MAGI3: variants seen among roughly 807,000 people sequenced by gnomAD.
MAGI3 encodes membrane-associated guanylate kinase, WW and PDZ domain-containing protein 3.
A neutral mutation model predicts 121.8 loss-of-function variants in MAGI3; 43 were observed. The ratio of observed to expected loss-of-function variants is 0.35; its 90% confidence interval spans 0.28 to 0.46. The LOEUF is 0.46. Ranked by LOEUF, MAGI3 falls within the 20% of genes least tolerant of loss-of-function variation. The pLI is 1.00. For synonymous variants in MAGI3, 553 were observed against 639.3 expected, an observed-to-expected ratio of 0.86 and a Z score of 2.04; for missense variants, 1,547 against 1,797.3, an observed-to-expected ratio of 0.86 and a Z score of 2.52.
intron 9 of MAGI3, among the ~76,000 whole-genome samples, chr1:113,629,810 C>T (rs1231762282): frequency 7.4e-6 from 1 of 135,866 alleles, no homozygotes; most frequent in Non-Finnish European, 1.6e-5. Context: ...CTCTTTCTCT[C>T]TCTCTGTGCT....
At chr1:113,477,740 G>A (rs1049263549) in intron 1 of MAGI3, among the ~76,000 whole-genome samples, 19 of 152,042 alleles carry the variant, frequency 1.2e-4, no homozygotes, top group Non-Finnish European at 2.6e-4. Context: ...TCTTTGTGGC[G>A]TTCTCTGTAT....
intron 7 of MAGI3, among the ~76,000 whole-genome samples, chr1:113,617,431 G>C (rs142375013): frequency 2.9e-3 from 436 of 152,226 alleles, no homozygotes; most frequent in Admixed American, 5.5e-3. Context: ...TAAATGAAAA[G>C]GACAGTATTT....
intron 1 of MAGI3, among the ~76,000 whole-genome samples, chr1:113,402,091 C>T (rs1651439917): frequency 2.6e-5 from 4 of 152,168 alleles, no homozygotes; most frequent in Non-Finnish European, 5.9e-5. Flanking sequence ...GAGACTAGAA[C>T]TCAGATTGTT....
chr1:113,411,650 GCTT>G (rs1332713062), intron 1 of MAGI3, among the ~76,000 whole-genome samples: 4 of 151,106 alleles, frequency 2.6e-5, no homozygotes, highest in African/African-American at 7.3e-5. Context: ...AAACTTACTC[GCTT>G]CTTTGAAGGA....
At chr1:113,503,309 G>GA (rs59331456) in intron 1 of MAGI3, among the ~76,000 whole-genome samples, 18,478 of 36,344 alleles carry the variant, frequency 0.51, 5,461 homozygotes, top group African/African-American at 0.67. Flanking sequence ...CCTGTCTCAG[G>GA]AAAAAAAAAA....
chr1:113,521,413 G>GTTTT (rs1491452810), intron 1 of MAGI3, among the ~76,000 whole-genome samples: 4 of 77,158 alleles, frequency 5.2e-5, no homozygotes, highest in African/African-American at 1.7e-4. Flanking sequence ...TTTGTTTTTT[G>GTTTT]TTTTTTGTTT....
chr1:113,563,856 C>T (rs1660334482), intron 2 of MAGI3, among the ~76,000 whole-genome samples: 1 of 152,206 alleles, frequency 6.6e-6, no homozygotes, highest in Admixed American at 6.5e-5. Flanking sequence ...TGTGAACTAG[C>T]TCTGTCCTCA....
Position 113,590,629 on chromosome 1 carries a change from C to T in MAGI3, c.909C>T (p.Tyr303=), listed in dbSNP as rs1470871220. Residue 303 remains tyrosine (Y), a synonymous_variant, in exon 5 of 21, where the codon TAC becomes TAT. Transcript: ENST00000307546. ...TGCCCAAAAACTGGGAAATGGCCTA[C>T]ACTGACACAGGGATGATCTACTTCA... ...EPLPKNWEMA[Y]TDTGMIYFID... The T allele has an allele frequency of 1.9e-6, 3 of 1,613,698 alleles. No individual in the cohort carries two copies. The highest frequency in any genetic ancestry group is 2.5e-6 in the Non-Finnish European group (3 of 1,179,678).
At chr1:113,606,918 A>G (rs1404254784) in intron 6 of MAGI3, among the ~76,000 whole-genome samples, 1 of 152,220 alleles carries the variant, frequency 6.6e-6, no homozygotes, top group Non-Finnish European at 1.5e-5. Context: ...GTGAACATAC[A>G]TATGCCCACC....
At chr1:113,584,980 T>TTTC in intron 3 of MAGI3, among the ~76,000 whole-genome samples, 1 of 145,290 alleles carries the variant, frequency 6.9e-6, no homozygotes, top group Non-Finnish European at 1.5e-5. Flanking sequence ...TTTTTTTTTT[T>TTTC]TTTTTTTTTG....
intron 1 of MAGI3, among the ~76,000 whole-genome samples, chr1:113,503,792 A>G (rs959841657): frequency 1.3e-5 from 2 of 152,042 alleles, no homozygotes; most frequent in Non-Finnish European, 2.9e-5. Flanking sequence ...ATATAAAAAT[A>G]TATGTGACTG....
rs755425306 is a variant in MAGI3 at position 113,673,407 on chromosome 1, G to C, written c.3131G>C (p.Gly1044Ala). The change falls in exon 19 of 21, where the codon GGG becomes GCG. Residue 1044 changes from glycine (G) to alanine (A), a missense_variant. Transcript: ENST00000307546. ...CGAGGGGGGAAGGAGTACAACATGGGGCTGTTCATCCTTCGTCTTGCTGAA... is the reference window on the plus strand; with the variant it reads ...CGAGGGGGGAAGGAGTACAACATGGCGCTGTTCATCCTTCGTCTTGCTGAA... Reference protein sequence around the residue: ...SLRGGKEYNMGLFILRLAEDG... With the variant: ...SLRGGKEYNMALFILRLAEDG... 1 of 1,613,032 alleles carries C rather than the reference G, an allele frequency of 6.2e-7. No homozygotes were observed. The highest frequency in any genetic ancestry group is 1.1e-5 in the South Asian group (1 of 90,946).
intron 1 of MAGI3, among the ~76,000 whole-genome samples, chr1:113,490,801 A>G (rs1380904981): frequency 6.6e-6 from 1 of 152,212 alleles, no homozygotes; most frequent in Non-Finnish European, 1.5e-5. Flanking sequence ...GCATTACATA[A>G]TGATAAAGGG....
chr1:113,395,790 A>G (rs2101272735), intron 1 of MAGI3, among the ~76,000 whole-genome samples: 1 of 151,892 alleles, frequency 6.6e-6, no homozygotes, highest in South Asian at 2.1e-4. Flanking sequence ...AGTTTGTAAA[A>G]CTTTATTTTC....
At chr1:113,407,472 T>C (rs1651746935) in intron 1 of MAGI3, among the ~76,000 whole-genome samples, 1 of 152,126 alleles carries the variant, frequency 6.6e-6, no homozygotes, top group Admixed American at 6.6e-5. Flanking sequence ...ATCAGATTTT[T>C]TGTGTGAAGG....
intron 20 of MAGI3, chr1:113,682,181 T>A: frequency 1.3e-6 from 2 of 1,487,790 alleles, no homozygotes; most frequent in Non-Finnish European, 1.8e-6. Flanking sequence ...TTTTTTCACA[T>A]AGTCCTAGGC....
chr1:113,677,935 AAG>A (rs1356340293), intron 19 of MAGI3, among the ~76,000 whole-genome samples: 3 of 152,176 alleles, frequency 2.0e-5, no homozygotes, highest in African/African-American at 7.2e-5. Context: ...TCCCTCTCAG[AAG>A]AGTCTTTTTC....
intron 10 of MAGI3, 58 bp downstream of exon 10, chr1:113,642,574 T>C (rs1261059562): frequency 6.6e-7 from 1 of 1,523,100 alleles, no homozygotes; most frequent in African/African-American, 1.4e-5. Flanking sequence ...TATCTACTGA[T>C]TGTCTTTCCT....
intron 20 of MAGI3, chr1:113,682,507 T>G: frequency 2.3e-6 from 3 of 1,314,274 alleles, no homozygotes; most frequent in Non-Finnish European, 1.9e-6. Context: ...TATTAATTAG[T>G]GATTTTGCCA....
Sources: allele counts gnomAD v4.1 joint callset (sites outside exome capture counted in the v4.1 genomes callset), GRCh38; gene constraint gnomAD v4.1.1; transcripts MANE v1.5; gene names NCBI Gene and HGNC (gene_info 2026-07-23, HGNC 2026-07-21).